Variants in FKBP1B observed in about 807,000 individuals in gnomAD.
FKBP1B encodes peptidyl-prolyl cis-trans isomerase FKBP1B.
In FKBP1B, 4 loss-of-function variants were observed where a neutral mutation model predicts 13.5. The ratio of observed to expected loss-of-function variants is 0.30; its 90% confidence interval spans 0.15 to 0.68. The LOEUF is 0.68. Ranked by LOEUF, FKBP1B falls within the 30% of genes least tolerant of loss-of-function variation. The pLI, the probability that FKBP1B is intolerant of heterozygous loss-of-function variation, is 0.76. For synonymous variants in FKBP1B, 54 were observed against 53.6 expected, an observed-to-expected ratio of 1.01 and a Z score of -0.03; for missense variants, 93 against 136.2, an observed-to-expected ratio of 0.68 and a Z score of 1.58.
At position 24,063,452 on chromosome 2, in the gene FKBP1B, C is replaced by A; in HGVS notation, c.*260C>A. 2.3e-6 allele frequency: 1 copy of A among 439,248 alleles called. No homozygotes were observed. The highest frequency in any genetic ancestry group is 4.0e-6 in the Non-Finnish European group (1 of 247,566). 27.2% of individuals were successfully genotyped at this position (439,248 alleles called of 1,614,324 possible). The stretch of plus-strand genomic sequence containing the variant: ...TTGTGTGATGCATGTAGTAGCCTTT[C>A]CTGATGACAGAACACAGATCTCTTG... On this transcript the variant is annotated 3_prime_UTR_variant, in exon 4 of 4. Transcript: ENST00000380986.
chr2:24,041,340 CA>C, the FKBP1B span, among the ~76,000 whole-genome samples: 309 of 127,302 alleles, frequency 2.4e-3, no homozygotes, highest in East Asian at 0.017. Flanking sequence ...ACTCTATCTC[CA>C]AAAAAAAAAA....
chr2:24,033,333 A>G, the FKBP1B span: 1 of 304,462 alleles, frequency 3.3e-6, no homozygotes. Flanking sequence ...ATGCCGAGAG[A>G]GTGTCCTAAG....
At chr2:24,037,649 A>G in the FKBP1B span, 3 of 1,577,502 alleles carry the variant, frequency 1.9e-6, no homozygotes, top group African/African-American at 4.1e-5. Flanking sequence ...TTTTATGTAT[A>G]GTGGTAGTTC....
upstream of FKBP1B, among the ~76,000 whole-genome samples, chr2:24,047,700 A>T (rs953080075): frequency 6.6e-6 from 1 of 152,150 alleles, no homozygotes; most frequent in African/African-American, 2.4e-5. Context: ...GGAGTCCAGG[A>T]GCCCTAGGAT....
chr2:24,056,113 C>T (rs2150965574), intron 2 of FKBP1B, among the ~76,000 whole-genome samples: 1 of 152,098 alleles, frequency 6.6e-6, no homozygotes, highest in Non-Finnish European at 1.5e-5. Context: ...CCTTAGCCTC[C>T]CGAGTAGCTG....
chr2:24,044,340 G>A, the FKBP1B span, among the ~76,000 whole-genome samples: 1 of 152,064 alleles, frequency 6.6e-6, no homozygotes, highest in African/African-American at 2.4e-5. Context: ...CATGATCTGG[G>A]CTCACTGCAA....
At chr2:24,061,262 C>T (rs536674631) in intron 3 of FKBP1B, among the ~76,000 whole-genome samples, 1 of 152,250 alleles carries the variant, frequency 6.6e-6, no homozygotes, top group Admixed American at 6.5e-5. Context: ...GCCAGGAGTT[C>T]AAGACTAGCC....
At chr2:24,058,132 G>A (rs1035554247) in intron 2 of FKBP1B, among the ~76,000 whole-genome samples, 5 of 151,958 alleles carry the variant, frequency 3.3e-5, no homozygotes, top group African/African-American at 7.2e-5. Context: ...CCCAGGAGGC[G>A]GAGGTTGCAG....
chr2:24,053,966 C>T lies in FKBP1B; in HGVS notation c.85+17C>T. On this transcript the variant is annotated intron_variant, in intron 2 of 3. Transcript: ENST00000380986. ...ACTACACAGGTAAGTCTCACCCCCTCAGCCCCCACCCAGTCCTTCCCCTCC... is the reference window on the plus strand; with the variant it reads ...ACTACACAGGTAAGTCTCACCCCCTTAGCCCCCACCCAGTCCTTCCCCTCC... 1 of 1,613,238 alleles carries T rather than the reference C, an allele frequency of 6.2e-7. No homozygotes were observed. Among genetic ancestry groups the T allele is most frequent in the Non-Finnish European group, 8.5e-7 (1 of 1,179,146 alleles).
At chr2:24,051,613 G>GA (rs1393760990) in intron 1 of FKBP1B, among the ~76,000 whole-genome samples, 1 of 151,888 alleles carries the variant, frequency 6.6e-6, no homozygotes, top group Non-Finnish European at 1.5e-5. Flanking sequence ...AGTTGAAACA[G>GA]ACAGGGTTCC....
At chr2:24,049,122 C>G (rs1663731559), upstream of FKBP1B, among the ~76,000 whole-genome samples, 1 of 152,106 alleles carries the variant, frequency 6.6e-6, no homozygotes, top group South Asian at 2.1e-4. Context: ...CTGAACTGCA[C>G]GGCACTGAGC....
intron 2 of FKBP1B, among the ~76,000 whole-genome samples, chr2:24,058,562 A>G (rs2150968481): frequency 6.6e-6 from 1 of 152,360 alleles, no homozygotes; most frequent in South Asian, 2.1e-4. Context: ...TGAAACCTGA[A>G]GAAACTAAGG....
chr2:24,057,250 G>A (rs761783731), intron 2 of FKBP1B, among the ~76,000 whole-genome samples: 60 of 151,442 alleles, frequency 4.0e-4, no homozygotes, highest in Admixed American at 7.2e-4. Flanking sequence ...AGTGGCTCTA[G>A]TCTTCAGGGA....
chr2:24,039,280 T>C, the FKBP1B span: 1 of 1,614,064 alleles, frequency 6.2e-7, no homozygotes, highest in Non-Finnish European at 8.5e-7. Flanking sequence ...AACAGGTGTA[T>C]CATCTGCAAC....
rs1443497137 is a variant in FKBP1B at position 24,052,919 on chromosome 2, G to C, written c.38-983G>C. On this transcript the variant is annotated intron_variant, in intron 1 of 3. Coordinates refer to ENST00000380986, the MANE Select transcript of FKBP1B (RefSeq NM_004116.5). ...CCAGGAAAGGTCAAGGCTGCACAGA[G>C]CCGAGATCATGCTGTTGCACTCCAG... Among the ~76,000 whole-genome samples, 2 of 152,100 alleles carry C rather than the reference G, an allele frequency of 1.3e-5. 1 individual carries two copies. Among genetic ancestry groups the C allele is most frequent in the South Asian group, 4.2e-4 (2 of 4,816 alleles).
chr2:24,056,845 C>T (rs1024697268), intron 2 of FKBP1B, among the ~76,000 whole-genome samples: 6 of 152,050 alleles, frequency 3.9e-5, no homozygotes, highest in Middle Eastern at 6.4e-3. Context: ...TGTGTGCCAC[C>T]GTGCCCGGCT....
At chr2:24,059,116 T>A (rs1366043938) in intron 2 of FKBP1B, among the ~76,000 whole-genome samples, 1 of 152,092 alleles carries the variant, frequency 6.6e-6, no homozygotes, top group Non-Finnish European at 1.5e-5. Context: ...CAGAGTGAAG[T>A]CAAAACCCAG....
chr2:24,052,286 T>C (rs1663914886), intron 1 of FKBP1B, among the ~76,000 whole-genome samples: 1 of 152,230 alleles, frequency 6.6e-6, no homozygotes, highest in Admixed American at 6.5e-5. Flanking sequence ...ATTCAGATTA[T>C]GTCATTCTCT....
chr2:24,051,596 G>T (rs910043265), intron 1 of FKBP1B, among the ~76,000 whole-genome samples: 1 of 152,188 alleles, frequency 6.6e-6, no homozygotes, highest in African/African-American at 2.4e-5. Flanking sequence ...AGGCCCTAAG[G>T]TGACACAGTT....
Sources: allele counts gnomAD v4.1 joint callset (sites outside exome capture counted in the v4.1 genomes callset), GRCh38; gene constraint gnomAD v4.1.1; transcripts MANE v1.5; gene names NCBI Gene and HGNC (gene_info 2026-07-23, HGNC 2026-07-21).